Variants in RTKN2 observed in about 807,000 individuals in gnomAD.
RTKN2 encodes the protein rhotekin 2.
In RTKN2, 69 loss-of-function variants were observed where a neutral mutation model predicts 71.5. That is an observed-to-expected ratio of 0.96 (90% CI 0.79 to 1.18). RTKN2 has a LOEUF of 1.18. RTKN2 is among the 50% of genes most tolerant of loss of function. RTKN2 has a pLI of 0.00. For synonymous variants in RTKN2, 236 were observed against 236.5 expected (o/e 1.00, Z 0.02); for missense variants, 724 against 719.7 (o/e 1.01, Z -0.07).
chr10:62,222,071 T>C (rs1431067776), intron 7 of RTKN2, among the ~76,000 whole-genome samples: 1 of 152,112 alleles, frequency 6.6e-6, no homozygotes, highest in Admixed American at 6.6e-5. Flanking sequence ...ACAGCTAGGG[T>C]AACTGAGGGA....
At chr10:62,237,718 C>T (rs1055374904) in intron 5 of RTKN2, among the ~76,000 whole-genome samples, 1 of 151,572 alleles carries the variant, frequency 6.6e-6, no homozygotes, top group Admixed American at 6.6e-5. Context: ...ACTTTTGTAC[C>T]TAATAACTAT....
Position 62,246,089 on chromosome 10 carries a change from A to G in RTKN2, c.258-32T>C, listed in dbSNP as rs765965258. 17 of 1,367,720 alleles carry G rather than the reference A, an allele frequency of 1.2e-5. No homozygotes were observed. The African/African-American group carries it at 2.0e-4, about 16-fold the overall frequency. 84.7% of individuals were successfully genotyped at this position (1,367,720 alleles called of 1,614,324 possible). A position where few individuals can be genotyped will look rare whatever the true frequency, so the allele number is the denominator to read the frequency against. On this transcript the variant is annotated intron_variant, in intron 2 of 11. Coordinates refer to ENST00000373789, the MANE Select transcript of RTKN2 (RefSeq NM_145307.4). ...AAACAAAAAAACTTATGGAAAAAAG[A>G]TCTTTTCTAATAAGCAATTATTTTA... is the stretch of plus-strand genomic sequence containing the variant.
intron 9 of RTKN2, among the ~76,000 whole-genome samples, chr10:62,207,891 G>A (rs776868173): frequency 9.2e-5 from 14 of 152,046 alleles, no homozygotes; most frequent in African/African-American, 2.7e-4. Flanking sequence ...TAAGCCCAGC[G>A]TTTCCTGTAT....
At chr10:62,213,459 G>A (rs531812435) in intron 9 of RTKN2, among the ~76,000 whole-genome samples, 259 of 152,200 alleles carry the variant, frequency 1.7e-3, no homozygotes, top group African/African-American at 5.8e-3. Context: ...AAGAATTGTC[G>A]AGGATGCATA....
intron 10 of RTKN2, among the ~76,000 whole-genome samples, chr10:62,203,964 C>A (rs796268617): frequency 1.1e-4 from 16 of 152,268 alleles, no homozygotes; most frequent in African/African-American, 3.6e-4. Context: ...AACTTGAGGG[C>A]TGCAAGTATT....
intron 10 of RTKN2, among the ~76,000 whole-genome samples, chr10:62,203,862 G>A (rs1306720882): frequency 6.6e-6 from 1 of 152,142 alleles, no homozygotes; most frequent in Non-Finnish European, 1.5e-5. Flanking sequence ...TTTCTACCTC[G>A]CAGGAGTGTT....
intron 9 of RTKN2, among the ~76,000 whole-genome samples, chr10:62,210,742 T>C (rs975211858): frequency 3.9e-5 from 6 of 152,110 alleles, no homozygotes; most frequent in Non-Finnish European, 8.8e-5. Flanking sequence ...AACCATGAGG[T>C]ATGATTAGTA....
In RTKN2 at chr10:62,195,023, T is replaced by C. The variant is rs1333779273; in HGVS notation, c.*2885A>G. 9.1e-6 allele frequency: 9 copies of C among 985,114 alleles called. No individual in the cohort carries two copies. Among genetic ancestry groups the C allele is most frequent in the Non-Finnish European group, 1.1e-5 (9 of 829,736 alleles). The allele number at this position is 985,114 out of a possible 1,614,324, so 61.0% of individuals were successfully genotyped here. A position where few individuals can be genotyped will look rare whatever the true frequency, so the allele number is the denominator to read the frequency against. On this transcript the variant is annotated 3_prime_UTR_variant, in exon 12 of 12. Transcript: ENST00000373789. Reference sequence around the variant, plus strand: ...TACCTTAGGAGGTGTGCATTTAGAATTTTAAAAATGCCTTCTTTGCCCTTG... The same window carrying C: ...TACCTTAGGAGGTGTGCATTTAGAACTTTAAAAATGCCTTCTTTGCCCTTG...
intron 2 of RTKN2, among the ~76,000 whole-genome samples, chr10:62,256,519 A>C (rs1169457524): frequency 2.0e-5 from 3 of 152,186 alleles, no homozygotes; most frequent in African/African-American, 7.2e-5. Context: ...TGGAATTACT[A>C]ATATTTTGTA....
At chr10:62,245,757 T>G (rs1369584626) in intron 3 of RTKN2, among the ~76,000 whole-genome samples, 2 of 152,152 alleles carry the variant, frequency 1.3e-5, no homozygotes, top group Non-Finnish European at 2.9e-5. Context: ...CTCTACCTAT[T>G]TTACAAGACT....
chr10:62,190,097 G>A (rs1227664429), downstream of RTKN2, among the ~76,000 whole-genome samples: 3 of 152,062 alleles, frequency 2.0e-5, no homozygotes, highest in Admixed American at 6.5e-5. Flanking sequence ...TCAACCCAGG[G>A]CCAAGCATTA....
At chr10:62,212,725 C>A (rs1020290639) in intron 9 of RTKN2, among the ~76,000 whole-genome samples, 2 of 151,872 alleles carry the variant, frequency 1.3e-5, no homozygotes, top group Non-Finnish European at 2.9e-5. Flanking sequence ...AAACAAAAAA[C>A]CAAAAAGAAA....
At chr10:62,255,701 GATTA>G (rs934316753) in intron 2 of RTKN2, among the ~76,000 whole-genome samples, 37 of 152,172 alleles carry the variant, frequency 2.4e-4, no homozygotes, top group African/African-American at 8.9e-4. Context: ...ACACCCCACA[GATTA>G]TTTATGAACT....
downstream of RTKN2, among the ~76,000 whole-genome samples, chr10:62,189,578 C>A (rs1201703920): frequency 1.3e-5 from 2 of 152,146 alleles, no homozygotes; most frequent in Non-Finnish European, 2.9e-5. Context: ...GTAATCCCAG[C>A]ACTTTGGAAG....
At chr10:62,233,349 C>A (rs555225299) in intron 6 of RTKN2, among the ~76,000 whole-genome samples, 1 of 151,988 alleles carries the variant, frequency 6.6e-6, no homozygotes, top group Non-Finnish European at 1.5e-5. Flanking sequence ...TTAATTCCAC[C>A]ACCTTATGAC....
chr10:62,261,088 G>C (rs1206166978), intron 2 of RTKN2, among the ~76,000 whole-genome samples: 2 of 152,090 alleles, frequency 1.3e-5, no homozygotes, highest in Non-Finnish European at 1.5e-5. Flanking sequence ...TGTACTCTCA[G>C]TGCTACAAGT....
rs554935879 is a variant in RTKN2, at chr10:62,199,989, C to T, written c.1187-128G>A. ...CAGTGAATTTATACATAAAGCACTG[C>T]GTTAAGGGAGGCTTGCAGAAAAACC... On this transcript the variant is annotated intron_variant, in intron 10 of 11. Transcript: ENST00000373789. 1.7e-4 allele frequency: 99 copies of T among 580,404 alleles called. 1 individual carries two copies. The highest frequency in any genetic ancestry group is 1.4e-3 in the African/African-American group (74 of 53,688). 36.0% of individuals were successfully genotyped at this position (580,404 alleles called of 1,614,324 possible). A position where few individuals can be genotyped will look rare whatever the true frequency, so the allele number is the denominator to read the frequency against.
At chr10:62,200,199 C>T (rs1165176948) in intron 10 of RTKN2, among the ~76,000 whole-genome samples, 1 of 151,624 alleles carries the variant, frequency 6.6e-6, no homozygotes, top group African/African-American at 2.4e-5. Flanking sequence ...CCCTTCTCTA[C>T]TAAAAATACA....
At chr10:62,204,755 A>C in intron 10 of RTKN2, 102 bp downstream of exon 10, 1 of 820,664 alleles carries the variant, frequency 1.2e-6, no homozygotes, top group Non-Finnish European at 1.8e-6. Flanking sequence ...AGAACATAAA[A>C]AATTTTTGCT....
Sources: allele counts gnomAD v4.1 joint callset (sites outside exome capture counted in the v4.1 genomes callset), GRCh38; gene constraint gnomAD v4.1.1; transcripts MANE v1.5; gene names NCBI Gene and HGNC (gene_info 2026-07-23, HGNC 2026-07-21).